The following SIGLEC5 variants were observed in gnomAD, a reference collection of about 807,000 sequenced individuals.
SIGLEC5 encodes the protein sialic acid binding Ig like lectin 5, also known as sialic acid-binding Ig-like lectin 5.
Under a neutral mutation model 45.9 loss-of-function variants are expected in SIGLEC5, and 34 were observed. The ratio of observed to expected loss-of-function variants is 0.74; its 90% CI spans 0.56 to 0.99. SIGLEC5 has a LOEUF of 0.99. Ranked by LOEUF, SIGLEC5 falls within the 50% of genes least tolerant of loss-of-function variation. The probability of loss-of-function intolerance (pLI) is 0.00; values close to 1 mark genes in which losing one functional copy is unlikely to be tolerated. For synonymous variants in SIGLEC5, 203 were observed against 258.6 expected, an observed-to-expected ratio of 0.79 and a Z score of 2.06; for missense variants, 508 against 629.6, an observed-to-expected ratio of 0.81 and a Z score of 2.07.
At chr19:51,616,432 G>T (rs1353902710) in intron 8 of SIGLEC5, among the ~76,000 whole-genome samples, 1 of 152,166 alleles carries the variant, frequency 6.6e-6, no homozygotes, top group Non-Finnish European at 1.5e-5. Context: ...GATGCAAAAA[G>T]GGCCATGTGG....
At chr19:51,629,295 C>CACACACAT (rs1983635216) in intron 3 of SIGLEC5, 63 bp downstream of exon 3, 1 of 1,610,026 alleles carries the variant, frequency 6.2e-7, no homozygotes, top group East Asian at 2.2e-5. Flanking sequence ...CACACACACA[C>CACACACAT]ACACACACAC....
At chr19:51,619,184 C>T (rs1983187516) in intron 8 of SIGLEC5, among the ~76,000 whole-genome samples, 1 of 152,218 alleles carries the variant, frequency 6.6e-6, no homozygotes. Flanking sequence ...ATACGATTCT[C>T]CTGCCTCAGC....
At position 51,611,205 on chromosome 19, in the gene SIGLEC5, G is replaced by A. The variant is rs1017165221; in HGVS notation, c.*1026C>T. On this transcript the variant is annotated 3_prime_UTR_variant, in exon 9 of 9. Transcript: ENST00000683636. ...CTGGGTTTGGAGATACCCTAGATAA[G>A]TAACTGGAGAATTTTTAGCTGCTTT... Among the ~76,000 whole-genome samples the A allele has an allele frequency of 1.3e-5, 2 of 152,206 alleles. No homozygotes were observed. The highest frequency in any genetic ancestry group is 2.9e-5 in the Non-Finnish European group (2 of 68,032).
chr19:51,612,238 C>T lies in SIGLEC5; in HGVS notation c.1649G>A (p.Ser550Asn). ...TGAACTCTGGGCAAATCCTCACTTG[C>T]TTGTCTTGATCTCCGAGTACTCCGT... Reference protein sequence around the residue: ...STTEYSEIKTSK With the variant: ...STTEYSEIKTNK Residue 550 changes from serine (S) to asparagine (N), a missense_variant, in exon 9 of 9, where the codon AGC becomes AAC. Transcript: ENST00000683636. 1 of 1,596,790 alleles carries T rather than the reference C, an allele frequency of 6.3e-7. No homozygotes were observed. Among genetic ancestry groups the T allele is most frequent in the East Asian group, 2.3e-5 (1 of 44,262 alleles).
intron 3 of SIGLEC5, 32 bp from the exon 4 acceptor site, chr19:51,629,108 C>A: frequency 6.2e-7 from 1 of 1,611,618 alleles, no homozygotes; most frequent in Non-Finnish European, 8.5e-7. Flanking sequence ...TTGGCTTCAG[C>A]AGTGAGGAGT....
rs150927502 is a variant in SIGLEC5, at chr19:51,616,266, G to A, written c.1465-3844C>T. On this transcript the variant is annotated intron_variant, in intron 8 of 8. Transcript: ENST00000683636. The stretch of plus-strand genomic sequence containing the variant: ...CCACTAGAAGCACAAGTACTAGGAC[G>A]CTTTGGTCAAGAAGCTAAACTGAGC... Among the ~76,000 whole-genome samples the A allele has an allele frequency of 1.3e-4, 20 of 152,324 alleles. 1 individual carries two copies. Among genetic ancestry groups the A allele is most frequent in the Admixed American group, 2.6e-4 (4 of 15,306 alleles).
chr19:51,614,412 G>A (rs1004801224), intron 8 of SIGLEC5, among the ~76,000 whole-genome samples: 9 of 152,244 alleles, frequency 5.9e-5, no homozygotes, highest in South Asian at 2.1e-4. Context: ...GGGATTACAG[G>A]TGTGAGCCAC....
intron 8 of SIGLEC5, among the ~76,000 whole-genome samples, chr19:51,618,762 C>T (rs555618708): frequency 2.4e-5 from 3 of 124,022 alleles, no homozygotes; most frequent in Non-Finnish European, 3.2e-5. Flanking sequence ...ACTGCACTGC[C>T]GCCTGGGTGA....
At chr19:51,619,036 A>C (rs1365697879) in intron 8 of SIGLEC5, among the ~76,000 whole-genome samples, 1 of 152,234 alleles carries the variant, frequency 6.6e-6, no homozygotes, top group African/African-American at 2.4e-5. Flanking sequence ...AGATCTGTTG[A>C]CATCTGAAGA....
intron 8 of SIGLEC5, among the ~76,000 whole-genome samples, chr19:51,613,858 G>A (rs1012568552): frequency 6.6e-6 from 1 of 151,896 alleles, no homozygotes; most frequent in Non-Finnish European, 1.5e-5. Flanking sequence ...TGAGAAATCA[G>A]ACATAGACCC....
Position 51,628,994 on chromosome 19 carries a change from G to C in SIGLEC5, c.739+44C>G, listed in dbSNP as rs370693514. 3.2e-6 allele frequency: 5 copies of C among 1,580,388 alleles called. No homozygotes were observed. The African/African-American group carries it at 6.7e-5, about 21-fold the overall frequency. On this transcript the variant is annotated intron_variant, in intron 4 of 8. Coordinates refer to ENST00000683636, the MANE Select transcript of SIGLEC5 (RefSeq NM_003830.4). The stretch of plus-strand genomic sequence containing the variant: ...GATTCTCTACCTCTGCTCAGAGACA[G>C]ACCCAGAGGCAGGTCCCAGCTTCAG...
chr19:51,612,515 A>G, intron 8 of SIGLEC5, 93 bp from the exon 9 acceptor site: 1 of 951,988 alleles, frequency 1.1e-6, no homozygotes, highest in South Asian at 1.8e-5. Context: ...CTTGGGATTT[A>G]TTTTGAATGT....
intron 8 of SIGLEC5, among the ~76,000 whole-genome samples, chr19:51,624,384 T>G (rs1424736616): frequency 6.6e-6 from 1 of 152,140 alleles, no homozygotes; most frequent in Non-Finnish European, 1.5e-5. Flanking sequence ...TTACTGGGAA[T>G]GGATCAGGGA....
In SIGLEC5 at chr19:51,618,571, C is replaced by A. The variant is rs929884643; in HGVS notation, c.1465-6149G>T. 2.1e-4 allele frequency among the ~76,000 whole-genome samples: 31 copies of A among 150,912 alleles called. 1 individual carries two copies. The highest frequency in any genetic ancestry group is 7.3e-4 in the African/African-American group (30 of 41,118). ...CTTTGGGAGGACGAGGTGGGCAGAT[C>A]ACTTGAGCCCAGGAGTTCAAGACCA... On this transcript the variant is annotated intron_variant, in intron 8 of 8. Coordinates refer to ENST00000683636, the MANE Select transcript of SIGLEC5 (RefSeq NM_003830.4).
chr19:51,621,656 G>A (rs969950619), intron 8 of SIGLEC5: 7 of 152,054 alleles, frequency 4.6e-5, no homozygotes, highest in African/African-American at 1.7e-4. Context: ...TTTTCAGATG[G>A]TATCTATATT....
At position 51,626,333 on chromosome 19, in the gene SIGLEC5, C is replaced by T. The variant is rs74576825; in HGVS notation, c.1383-220G>A. On this transcript the variant is annotated intron_variant, in intron 7 of 8. Coordinates refer to ENST00000683636, the MANE Select transcript of SIGLEC5 (RefSeq NM_003830.4). ...GACTGAATTTCCATCATATAGACCCCCTCTTACACACAAAACCATGGCAGG... is the reference window on the plus strand; with the variant it reads ...GACTGAATTTCCATCATATAGACCCTCTCTTACACACAAAACCATGGCAGG... 5.5e-3 allele frequency among the ~76,000 whole-genome samples: 840 copies of T among 152,168 alleles called. 5 individuals carry two copies. The highest frequency in any genetic ancestry group is 0.019 in the African/African-American group (803 of 41,496).
chr19:51,616,166 C>G (rs1983047168), intron 8 of SIGLEC5, among the ~76,000 whole-genome samples: 2 of 152,274 alleles, frequency 1.3e-5, no homozygotes, highest in African/African-American at 4.8e-5. Flanking sequence ...AGCCAATAAC[C>G]CCAGGGGAAT....
At chr19:51,627,324 C>T (rs1983521689) in intron 6 of SIGLEC5, 76 bp from the exon 7 acceptor site, 2 of 1,546,778 alleles carry the variant, frequency 1.3e-6, no homozygotes, top group Non-Finnish European at 8.9e-7. Flanking sequence ...GGGCAACTTG[C>T]TCCAGGGCCC....
chr19:51,626,355 C>T (rs1983482137), intron 7 of SIGLEC5, among the ~76,000 whole-genome samples: 2 of 152,110 alleles, frequency 1.3e-5, no homozygotes, highest in South Asian at 4.1e-4. Flanking sequence ...AAAACCATGG[C>T]AGGAATGGTC....
Sources: gnomAD v4.1 joint callset for allele counts (sites outside exome capture counted in the v4.1 genomes callset) on GRCh38, gnomAD v4.1.1 for gene constraint, MANE v1.5 for transcripts, NCBI Gene and HGNC (gene_info 2026-07-23, HGNC 2026-07-21) for gene names.